Variants in KCNH1 observed in about 807,000 individuals in gnomAD.
The protein encoded by KCNH1 is voltage-gated delayed rectifier potassium channel KCNH1.
Under a neutral mutation model 69.2 loss-of-function variants are expected in KCNH1, and 27 were observed. That is an observed-to-expected ratio of 0.39 (90% CI 0.29 to 0.54). The LOEUF is 0.54. KCNH1 is among the 20% of genes least tolerant of loss of function. KCNH1 has a pLI of 0.68. For missense variants in KCNH1, 798 were observed against 1,261.6 expected (o/e 0.63, Z 5.57); for synonymous variants, 456 against 487.7 (o/e 0.93, Z 0.86).
chr1:211,104,261 T>G (rs562233509), intron 2 of KCNH1, among the ~76,000 whole-genome samples: 2 of 152,270 alleles, frequency 1.3e-5, no homozygotes, highest in South Asian at 2.1e-4. Context: ...ATGGGAGGGT[T>G]TTAAGCAAAG....
At chr1:210,698,558 A>G (rs1199094847) in intron 10 of KCNH1, among the ~76,000 whole-genome samples, 1 of 152,252 alleles carries the variant, frequency 6.6e-6, no homozygotes, top group East Asian at 1.9e-4. Context: ...AGAAGAGGGC[A>G]TAGAGCCATC....
intron 5 of KCNH1, among the ~76,000 whole-genome samples, chr1:211,037,936 G>A (rs1372758794): frequency 6.7e-6 from 1 of 150,208 alleles, no homozygotes; most frequent in African/African-American, 2.5e-5. Context: ...TTTATCAGGG[G>A]TTTCCACTTT....
At chr1:210,767,237 G>A (rs1036134128) in intron 10 of KCNH1, among the ~76,000 whole-genome samples, 1 of 152,214 alleles carries the variant, frequency 6.6e-6, no homozygotes, top group Non-Finnish European at 1.5e-5. Context: ...TAGCACATGT[G>A]AAATGCACTT....
intron 7 of KCNH1, among the ~76,000 whole-genome samples, chr1:210,908,832 C>T (rs1414077028): frequency 6.6e-6 from 1 of 152,184 alleles, no homozygotes; most frequent in Non-Finnish European, 1.5e-5. Context: ...AAAGGAGGAA[C>T]AAAGGATCAT....
chr1:210,806,901 G>A (rs1684593245), intron 7 of KCNH1, among the ~76,000 whole-genome samples: 1 of 140,956 alleles, frequency 7.1e-6, no homozygotes, highest in South Asian at 2.4e-4. Context: ...CAGCTATTTG[G>A]GAGGCTGAGG....
At chr1:210,950,975 T>C (rs559498977) in intron 6 of KCNH1, among the ~76,000 whole-genome samples, 58 of 152,004 alleles carry the variant, frequency 3.8e-4, no homozygotes, top group Admixed American at 5.2e-4. Context: ...CAAAAGAAAA[T>C]AAAAGTTTAA....
At chr1:210,784,502 G>A (rs1308900886) in intron 9 of KCNH1, among the ~76,000 whole-genome samples, 3 of 152,264 alleles carry the variant, frequency 2.0e-5, no homozygotes, top group East Asian at 1.9e-4. Flanking sequence ...TTGTGTTGGG[G>A]TGTCAAGTGC....
chr1:210,796,253 A>G (rs188187112), intron 9 of KCNH1, among the ~76,000 whole-genome samples: 3 of 152,072 alleles, frequency 2.0e-5, no homozygotes, highest in Admixed American at 1.3e-4. Flanking sequence ...GATTCCATGG[A>G]CCTCATCAGC....
intron 6 of KCNH1, among the ~76,000 whole-genome samples, chr1:211,003,220 C>T (rs1484005513): frequency 6.6e-6 from 1 of 152,010 alleles, no homozygotes; most frequent in East Asian, 1.9e-4. Flanking sequence ...CCCATGTGCT[C>T]CTCTAAATCT....
chr1:211,110,528 G>C (rs995687844), intron 1 of KCNH1, among the ~76,000 whole-genome samples: 1 of 152,084 alleles, frequency 6.6e-6, no homozygotes, highest in African/African-American at 2.4e-5. Flanking sequence ...ATCATTGTAG[G>C]AATAAGGTAA....
Position 211,064,620 on chromosome 1 carries a change from T to TA in KCNH1, c.558+18159dup, listed in dbSNP as rs575372088. Among the ~76,000 whole-genome samples, 387 of 152,132 alleles carry TA rather than the reference T, an allele frequency of 2.5e-3. 9 individuals carry two copies. The highest frequency in any genetic ancestry group is 5.4e-4 in the Non-Finnish European group (37 of 67,988). On this transcript the variant is annotated intron_variant, in intron 5 of 10. Coordinates refer to ENST00000271751, the MANE Select transcript of KCNH1 (RefSeq NM_172362.3). ...AATACAGTATGACCACTTTTTTTTTTAAATGTATAAGTATATACAATTATA... is the reference window on the plus strand; with the variant it reads ...AATACAGTATGACCACTTTTTTTTTTAAAATGTATAAGTATATACAATTATA...
intron 7 of KCNH1, among the ~76,000 whole-genome samples, chr1:210,806,855 A>ATATATAT (rs1553346606): frequency 1.6e-5 from 2 of 127,358 alleles, no homozygotes; most frequent in African/African-American, 3.0e-5. Context: ...ATATATATAT[A>ATATATAT]AATTTGCCGG....
intron 7 of KCNH1, among the ~76,000 whole-genome samples, chr1:210,825,934 A>C (rs557627730): frequency 6.6e-6 from 1 of 152,294 alleles, no homozygotes; most frequent in South Asian, 2.1e-4. Flanking sequence ...TTCTGTGTTA[A>C]TCACTTGGGT....
chr1:210,930,117 T>C (rs932625590), intron 6 of KCNH1, among the ~76,000 whole-genome samples: 1 of 152,112 alleles, frequency 6.6e-6, no homozygotes, highest in African/African-American at 2.4e-5. Context: ...AAAAACAATC[T>C]ACAAAGTCAA....
At position 210,856,905 on chromosome 1, in the gene KCNH1, C is replaced by A. The variant is rs762656757; in HGVS notation, c.1463-52739G>T. Among the ~76,000 whole-genome samples the A allele has an allele frequency of 2.0e-3, 144 of 70,718 alleles. 1 individual carries two copies. Among genetic ancestry groups the A allele is most frequent in the Non-Finnish European group, 3.4e-3 (113 of 33,116 alleles). 46.4% of individuals were successfully genotyped at this position (70,718 alleles called of 152,430 possible). On this transcript the variant is annotated intron_variant, in intron 7 of 10. Coordinates refer to ENST00000271751, the MANE Select transcript of KCNH1 (RefSeq NM_172362.3). Reference sequence around the variant, plus strand: ...TATATATATATATATATATAAAATACTCATGCCTGGTGTTTACTCTGGAGG... The same window carrying A: ...TATATATATATATATATATAAAATAATCATGCCTGGTGTTTACTCTGGAGG...
intron 6 of KCNH1, among the ~76,000 whole-genome samples, chr1:210,957,398 G>A (rs966539099): frequency 6.6e-6 from 1 of 152,130 alleles, no homozygotes; most frequent in Non-Finnish European, 1.5e-5. Flanking sequence ...CTGTTGATTT[G>A]GGGTGGAGAG....
intron 6 of KCNH1, among the ~76,000 whole-genome samples, chr1:211,000,999 T>C (rs1360291756): frequency 0.012 from 1,763 of 150,012 alleles, 41 homozygotes; most frequent in Admixed American, 0.04. Flanking sequence ...TTATACCTTA[T>C]ATGAACATTA....
intron 7 of KCNH1, among the ~76,000 whole-genome samples, chr1:210,854,210 C>T (rs1292008478): frequency 1.3e-5 from 2 of 152,154 alleles, no homozygotes; most frequent in Non-Finnish European, 2.9e-5. Flanking sequence ...TAATGTATTC[C>T]TCCTCCCAAT....
intron 10 of KCNH1, among the ~76,000 whole-genome samples, chr1:210,772,475 A>G (rs1683770878): frequency 6.6e-6 from 1 of 152,016 alleles, no homozygotes; most frequent in African/African-American, 2.4e-5. Flanking sequence ...GGACACAATG[A>G]GAGACTACAA....
Sources: allele counts gnomAD v4.1 joint callset (sites outside exome capture counted in the v4.1 genomes callset), GRCh38; gene constraint gnomAD v4.1.1; transcripts MANE v1.5; gene names NCBI Gene and HGNC (gene_info 2026-07-23, HGNC 2026-07-21).